TRAK2: variants seen among roughly 807,000 people sequenced by gnomAD.
TRAK2 encodes trafficking kinesin-binding protein 2.
In TRAK2, 81 loss-of-function variants were observed where a neutral mutation model predicts 104.6. The observed-to-expected ratio is 0.77, with a 90% confidence interval of 0.65 to 0.93. The LOEUF (loss-of-function observed/expected upper bound fraction) is 0.93. Among genes scored for constraint, TRAK2 ranks in the 40% least tolerant of loss-of-function variants. The pLI, the probability that TRAK2 is intolerant of heterozygous loss-of-function variation, is 0.00. For missense variants in TRAK2, 1,002 were observed against 1,089.0 expected (o/e 0.92, Z 1.12); for synonymous variants, 406 against 394.4 (o/e 1.03, Z -0.35).
chr2:201,437,773 T>C (rs1232765909), intron 1 of TRAK2, among the ~76,000 whole-genome samples: 3 of 152,234 alleles, frequency 2.0e-5, no homozygotes, highest in Non-Finnish European at 4.4e-5. Flanking sequence ...GATGTGGCTC[T>C]TAGAACGCAT....
intron 12 of TRAK2, among the ~76,000 whole-genome samples, chr2:201,388,435 C>T (rs1349160028): frequency 1.3e-5 from 2 of 151,944 alleles, no homozygotes; most frequent in Non-Finnish European, 2.9e-5. Flanking sequence ...CTATCAGTTA[C>T]AAAACATAAT....
At chr2:201,411,834 A>G in intron 2 of TRAK2, 1 of 848,948 alleles carries the variant, frequency 1.2e-6, no homozygotes. Context: ...AGACATTTGT[A>G]GACAGGCATT....
chr2:201,426,777 G>A (rs971474466), intron 1 of TRAK2, among the ~76,000 whole-genome samples: 4 of 152,196 alleles, frequency 2.6e-5, no homozygotes, highest in Non-Finnish European at 5.9e-5. Context: ...CAAGTCCAGG[G>A]TGATCTGGCA....
intron 13 of TRAK2, 101 bp downstream of exon 13, chr2:201,387,601 CT>C (rs534789060): frequency 2.8e-4 from 338 of 1,218,678 alleles, no homozygotes; most frequent in Non-Finnish European, 3.5e-4. Context: ...AAAAGATCAT[CT>C]GCACATAATG....
chr2:201,390,678 G>A (rs938972180), intron 10 of TRAK2, among the ~76,000 whole-genome samples: 3 of 151,218 alleles, frequency 2.0e-5, no homozygotes, highest in Admixed American at 2.0e-4. Context: ...CTTCCCCCCA[G>A]TCAGGGATGA....
intron 3 of TRAK2, among the ~76,000 whole-genome samples, chr2:201,405,386 A>G (rs547810997): frequency 6.6e-6 from 1 of 152,286 alleles, no homozygotes; most frequent in Admixed American, 6.5e-5. Context: ...AATTAATGTC[A>G]CTGTGAAATG....
chr2:201,416,191 C>T (rs940843526), intron 2 of TRAK2, among the ~76,000 whole-genome samples: 9 of 136,900 alleles, frequency 6.6e-5, no homozygotes, highest in Non-Finnish European at 1.2e-4. Flanking sequence ...AGTTCAAGAC[C>T]AGCTTGGCAA....
Position 201,380,542 on chromosome 2 carries a change from C to T in TRAK2, c.*1G>A, listed in dbSNP as rs780818369. 1.2e-6 allele frequency: 2 copies of T among 1,612,986 alleles called. No homozygotes were observed. Among genetic ancestry groups the T allele is most frequent in the East Asian group, 4.5e-5 (2 of 44,864 alleles). The stretch of plus-strand genomic sequence containing the variant: ...ATAAAAGGTCAGTTAACTGCTGAAC[C>T]TCAGTCCTCCTTCAGGACACCCATT... On this transcript the variant is annotated 3_prime_UTR_variant, in exon 16 of 16. Coordinates refer to ENST00000332624, the MANE Select transcript of TRAK2 (RefSeq NM_015049.3).
In TRAK2 at chr2:201,417,336, T is replaced by C. The variant is rs973063120; in HGVS notation, c.91+3081A>G. Among the ~76,000 whole-genome samples the C allele has an allele frequency of 6.1e-5, 9 of 147,514 alleles. No individual in the cohort carries two copies. In the East Asian group the frequency reaches 7.9e-4, roughly 13 times the overall value. Reference sequence around the variant, plus strand: ...GGAAGGACACAGACACACACACACATATACACACACTCCCTAACAAAACAC... The same window carrying C: ...GGAAGGACACAGACACACACACACACATACACACACTCCCTAACAAAACAC... On this transcript the variant is annotated intron_variant, in intron 2 of 15. Transcript: ENST00000332624.
At chr2:201,410,686 C>T in intron 2 of TRAK2, 1 of 1,319,392 alleles carries the variant, frequency 7.6e-7, no homozygotes, top group Non-Finnish European at 1.1e-6. Context: ...CATCTGTGTT[C>T]CCATTACTGA....
At chr2:201,442,800 G>A (rs1032270426) in intron 1 of TRAK2, among the ~76,000 whole-genome samples, 16 of 152,174 alleles carry the variant, frequency 1.1e-4, no homozygotes, top group Admixed American at 1.0e-3. Context: ...TCTCAGTTAT[G>A]CACTTGCACA....
chr2:201,442,097 G>A (rs1410594745), intron 1 of TRAK2, among the ~76,000 whole-genome samples: 2 of 151,236 alleles, frequency 1.3e-5, no homozygotes, highest in Admixed American at 6.6e-5. Flanking sequence ...AAAGCGATAC[G>A]AGCAGAGAGC....
chr2:201,380,413 A>G lies in TRAK2; in HGVS notation c.*130T>C, dbSNP rs1045838952. 1 of 963,166 alleles carries G rather than the reference A, an allele frequency of 1.0e-6. No homozygotes were observed. Among genetic ancestry groups the G allele is most frequent in the Non-Finnish European group, 1.5e-6 (1 of 653,370 alleles). The allele number at this position is 963,166 out of a possible 1,614,324, so 59.7% of individuals were successfully genotyped here. ...ATCCCAATTTTATTTCCATTCCTCC[A>G]TTCCCCCTTTCACATTCACAACCCT... On this transcript the variant is annotated 3_prime_UTR_variant, in exon 16 of 16. Transcript: ENST00000332624.
At chr2:201,403,948 T>C (rs1017145535) in intron 3 of TRAK2, among the ~76,000 whole-genome samples, 9 of 152,166 alleles carry the variant, frequency 5.9e-5, no homozygotes, top group South Asian at 2.1e-4. Context: ...CACAGAAAGA[T>C]GTCAGGCACA....
intron 1 of TRAK2, among the ~76,000 whole-genome samples, chr2:201,424,235 C>CA (rs1951766950): frequency 6.6e-6 from 1 of 152,178 alleles, no homozygotes; most frequent in Admixed American, 6.5e-5. Context: ...GGGCCTCTGC[C>CA]AACCAAGAAG....
intron 1 of TRAK2, among the ~76,000 whole-genome samples, chr2:201,449,562 G>A (rs188604277): frequency 5.0e-5 from 7 of 139,988 alleles, no homozygotes; most frequent in African/African-American, 1.1e-4. Flanking sequence ...TTGGCTCACC[G>A]CAACCTCCGC....
intron 8 of TRAK2, 50 bp from the exon 9 acceptor site, chr2:201,394,922 G>A: frequency 6.9e-7 from 1 of 1,442,052 alleles, no homozygotes; most frequent in Non-Finnish European, 9.7e-7. Context: ...GTAAAATATA[G>A]CTATTCTCTT....
chr2:201,429,697 T>C (rs555582014), intron 1 of TRAK2, among the ~76,000 whole-genome samples: 2 of 152,358 alleles, frequency 1.3e-5, no homozygotes, highest in East Asian at 1.9e-4. Context: ...TCTTGTGCCA[T>C]GGTTTTCAGC....
rs150895217 is a variant in TRAK2 at position 201,448,638 on chromosome 2, A to G, written c.-200+2712T>C. On this transcript the variant is annotated intron_variant, in intron 1 of 15. Coordinates refer to ENST00000332624, the MANE Select transcript of TRAK2 (RefSeq NM_015049.3). Reference sequence around the variant, plus strand: ...AATATAATGAGAGCTCACAATAAACATGAAATAAGACATTATCTGTCTCAT... The same window carrying G: ...AATATAATGAGAGCTCACAATAAACGTGAAATAAGACATTATCTGTCTCAT... Among the ~76,000 whole-genome samples the G allele has an allele frequency of 3.9e-5, 6 of 152,354 alleles. No individual in the cohort carries two copies. The East Asian group carries it at 1.2e-3, about 29-fold the overall frequency.
Sources: gnomAD v4.1 joint callset for allele counts (sites outside exome capture counted in the v4.1 genomes callset) on GRCh38, gnomAD v4.1.1 for gene constraint, MANE v1.5 for transcripts, NCBI Gene and HGNC (gene_info 2026-07-23, HGNC 2026-07-21) for gene names.